SORCS1: variants seen among roughly 807,000 people sequenced by gnomAD.
SORCS1 encodes the protein VPS10 domain-containing receptor SorCS1.
In SORCS1, 60 loss-of-function variants were observed where a neutral mutation model predicts 146.1. The observed-to-expected ratio is 0.41, with a 90% CI of 0.33 to 0.51. The LOEUF is 0.51. SORCS1 is among the 20% of genes least tolerant of loss of function. The pLI, the probability that SORCS1 is intolerant of heterozygous loss-of-function variation, is 0.21. For missense variants in SORCS1, 1,352 were observed against 1,487.6 expected, an observed-to-expected ratio of 0.91 and a Z score of 1.50; for synonymous variants, 637 against 584.0, an observed-to-expected ratio of 1.09 and a Z score of -1.31.
At chr10:106,700,064 G>T (rs1386287367) in intron 8 of SORCS1, among the ~76,000 whole-genome samples, 2 of 152,140 alleles carry the variant, frequency 1.3e-5, no homozygotes, top group African/African-American at 4.8e-5. Flanking sequence ...TGTGTTCAAA[G>T]ACTTAGCTGC....
chr10:107,094,825 T>C (rs2134335904), intron 1 of SORCS1, among the ~76,000 whole-genome samples: 1 of 152,270 alleles, frequency 6.6e-6, no homozygotes, highest in Admixed American at 6.5e-5. Context: ...CATGGTTAGA[T>C]GTTAAGTATG....
Position 106,613,044 on chromosome 10 carries a change from T to C in SORCS1, c.2921-1021A>G, listed in dbSNP as rs138496077. Among the ~76,000 whole-genome samples the C allele has an allele frequency of 9.7e-3, 1,477 of 152,302 alleles. 14 individuals carry two copies. The highest frequency in any genetic ancestry group is 0.025 in the African/African-American group (1,037 of 41,554). On this transcript the variant is annotated intron_variant, in intron 21 of 25. Transcript: ENST00000263054. ...TCTTTTTTATGGCACTACTCTGTTTTGTACATACTTTTTATTATTATTATA... is the reference window on the plus strand; with the variant it reads ...TCTTTTTTATGGCACTACTCTGTTTCGTACATACTTTTTATTATTATTATA...
intron 2 of SORCS1, among the ~76,000 whole-genome samples, chr10:106,887,136 C>G (rs942536446): frequency 6.6e-6 from 1 of 152,088 alleles, no homozygotes; most frequent in Non-Finnish European, 1.5e-5. Flanking sequence ...TGTATTATCA[C>G]TAATTAATAT....
chr10:106,677,484 G>T, intron 12 of SORCS1, 80 bp from the exon 13 acceptor site: 1 of 1,247,540 alleles, frequency 8.0e-7, no homozygotes, highest in Non-Finnish European at 1.2e-6. Flanking sequence ...CTTCACATGA[G>T]AACAAAAATC....
intron 1 of SORCS1, among the ~76,000 whole-genome samples, chr10:107,014,560 G>A (rs1957820562): frequency 6.6e-6 from 1 of 151,558 alleles, no homozygotes; most frequent in Admixed American, 6.6e-5. Flanking sequence ...CTTGCTTTCT[G>A]TTATGTTATA....
At chr10:107,126,969 GC>G (rs1483745589) in intron 1 of SORCS1, among the ~76,000 whole-genome samples, 1 of 152,158 alleles carries the variant, frequency 6.6e-6, no homozygotes, top group Non-Finnish European at 1.5e-5. Flanking sequence ...AGCGCCACAG[GC>G]AAGTAGCCTT....
At chr10:106,586,411 CT>C (rs372779036) in intron 24 of SORCS1, among the ~76,000 whole-genome samples, 103 of 147,484 alleles carry the variant, frequency 7.0e-4, no homozygotes, top group Middle Eastern at 3.4e-3. Context: ...CTTTGCTTTA[CT>C]TTTTTTTTTT....
At chr10:107,020,328 T>C (rs1050408611) in intron 1 of SORCS1, among the ~76,000 whole-genome samples, 3 of 152,212 alleles carry the variant, frequency 2.0e-5, no homozygotes, top group Admixed American at 6.5e-5. Context: ...AGTAGGCCTG[T>C]AGAATTCTGT....
At chr10:106,825,144 C>G (rs965264801) in intron 3 of SORCS1, among the ~76,000 whole-genome samples, 1 of 151,918 alleles carries the variant, frequency 6.6e-6, no homozygotes, top group African/African-American at 2.4e-5. Flanking sequence ...GGGAGAACAG[C>G]TTGGGTTAGT....
intron 1 of SORCS1, among the ~76,000 whole-genome samples, chr10:107,119,219 T>G (rs1966234837): frequency 6.6e-6 from 1 of 152,162 alleles, no homozygotes; most frequent in Admixed American, 6.6e-5. Context: ...TGCAAAAGAA[T>G]TGGTAAGGGT....
intron 4 of SORCS1, 46 bp downstream of exon 4, chr10:106,776,488 C>A: frequency 6.2e-7 from 1 of 1,606,346 alleles, no homozygotes; most frequent in Non-Finnish European, 8.5e-7. Flanking sequence ...ACTATTTTCC[C>A]CGGAGAACCA....
chr10:107,152,286 C>T (rs962467319), intron 1 of SORCS1, among the ~76,000 whole-genome samples: 1 of 152,146 alleles, frequency 6.6e-6, no homozygotes, highest in Non-Finnish European at 1.5e-5. Context: ...AGGGGTGGAG[C>T]CCTCATGGAG....
intron 4 of SORCS1, among the ~76,000 whole-genome samples, chr10:106,773,831 C>A (rs1312250596): frequency 6.6e-6 from 1 of 152,138 alleles, no homozygotes. Flanking sequence ...CACCTGTAAT[C>A]CCAGCTACTT....
intron 5 of SORCS1, among the ~76,000 whole-genome samples, chr10:106,760,925 G>T: frequency 6.6e-6 from 1 of 152,036 alleles, no homozygotes; most frequent in East Asian, 1.9e-4. Context: ...TGGCCAACAT[G>T]GTGAAACCCC....
chr10:106,638,359 A>G (rs940449555), intron 18 of SORCS1, among the ~76,000 whole-genome samples: 2 of 152,152 alleles, frequency 1.3e-5, no homozygotes, highest in Admixed American at 6.5e-5. Context: ...GTAGTAAAAT[A>G]TGTAACAGAA....
intron 1 of SORCS1, among the ~76,000 whole-genome samples, chr10:107,105,091 TCAAA>T (rs746111462): frequency 3.3e-5 from 5 of 152,240 alleles, no homozygotes; most frequent in Admixed American, 6.5e-5. Flanking sequence ...ATCATAATAC[TCAAA>T]CAGTTAACAT....
rs1176385330 is a variant in SORCS1, at chr10:106,733,124, AAG to A, written c.960-3012_960-3011del. Among the ~76,000 whole-genome samples, 231 of 149,732 alleles carry A rather than the reference AAG, an allele frequency of 1.5e-3. 20 individuals are homozygous for A. The highest frequency in any genetic ancestry group is 4.9e-3 in the African/African-American group (199 of 40,764). Reference sequence around the variant, plus strand: ...CTCCATTTCAAAAAAAAGAAAAGAAAAGAAAAGAAAAGAAAAGAAAAAGAAAA... The same window carrying A: ...CTCCATTTCAAAAAAAAGAAAAGAAAAAAAGAAAAGAAAAGAAAAAGAAAA... On this transcript the variant is annotated intron_variant, in intron 5 of 25. Coordinates refer to ENST00000263054, the MANE Select transcript of SORCS1 (RefSeq NM_052918.5).
chr10:106,730,209 C>A, intron 5 of SORCS1, 95 bp from the exon 6 acceptor site: 1 of 1,133,780 alleles, frequency 8.8e-7, no homozygotes, highest in South Asian at 1.3e-5. Flanking sequence ...TATTAATATC[C>A]ACAGGCATCT....
intron 1 of SORCS1, among the ~76,000 whole-genome samples, chr10:107,076,737 T>A (rs931172921): frequency 3.3e-5 from 5 of 152,096 alleles, no homozygotes; most frequent in Admixed American, 6.5e-5. Context: ...GAGGTGAACA[T>A]CATGGTGAAG....
Sources: allele counts gnomAD v4.1 joint callset (sites outside exome capture counted in the v4.1 genomes callset), GRCh38; gene constraint gnomAD v4.1.1; transcripts MANE v1.5; gene names NCBI Gene and HGNC (gene_info 2026-07-23, HGNC 2026-07-21).